The following TENM1 variants were observed in gnomAD, a reference collection of about 807,000 sequenced individuals.
TENM1 encodes teneurin-1.
A neutral mutation model predicts 174.8 loss-of-function variants in TENM1; 35 were observed. That is an observed-to-expected ratio of 0.20 (90% CI 0.15 to 0.27). The LOEUF (loss-of-function observed/expected upper bound fraction) is 0.27. Among genes scored for constraint, TENM1 ranks in the 10% least tolerant of loss-of-function variants. The pLI is 1.00. For missense variants in TENM1, 1,633 were observed against 2,130.1 expected (o/e 0.77, Z 4.59); for synonymous variants, 781 against 798.7 (o/e 0.98, Z 0.37).
intron 14 of TENM1, among the ~76,000 whole-genome samples, chrX:124,547,875 C>T (rs1053328822): frequency 4.5e-5 from 5 of 112,247 alleles, no homozygotes; most frequent in Admixed American, 2.8e-4. Flanking sequence ...CTCTCTCTGT[C>T]GCCCAGGCTG....
intron 1 of TENM1, among the ~76,000 whole-genome samples, chrX:124,933,216 T>C (rs2058198025): frequency 8.9e-6 from 1 of 111,800 alleles, no homozygotes. Flanking sequence ...CCAGTTTGTA[T>C]TTCACCTTTT....
intron 5 of TENM1, among the ~76,000 whole-genome samples, chrX:124,690,810 C>T (rs192552063): frequency 8.1e-5 from 9 of 110,624 alleles, no homozygotes; most frequent in East Asian, 5.7e-4. Flanking sequence ...TCTCCTTCCA[C>T]GATGAGTGGA....
At chrX:124,467,260 A>G (rs1028214542) in intron 22 of TENM1, among the ~76,000 whole-genome samples, 1 of 112,158 alleles carries the variant, frequency 8.9e-6, no homozygotes, top group Non-Finnish European at 1.9e-5. Flanking sequence ...CTTCCTGGCT[A>G]GGCTTTGATA....
At chrX:125,203,158 T>G in the TENM1 span, among the ~76,000 whole-genome samples, 1 of 112,910 alleles carries the variant, frequency 8.9e-6, no homozygotes, top group East Asian at 2.8e-4. Flanking sequence ...TAGGAGGTCC[T>G]GCAGTTCCCC....
At chrX:124,751,988 G>A (rs1603126964) in intron 3 of TENM1, among the ~76,000 whole-genome samples, 1 of 110,624 alleles carries the variant, frequency 9.0e-6, no homozygotes, top group Non-Finnish European at 1.9e-5. Flanking sequence ...ATGATTTATA[G>A]TCCTTTGGGT....
At chrX:124,946,590 G>A (rs942415844) in intron 1 of TENM1, among the ~76,000 whole-genome samples, 1 of 111,234 alleles carries the variant, frequency 9.0e-6, no homozygotes, top group African/African-American at 3.3e-5. Context: ...TGAAAACCAG[G>A]TAAAGAAGAA....
intron 3 of TENM1, among the ~76,000 whole-genome samples, chrX:124,807,713 G>GT (rs199588385): frequency 2.7e-5 from 3 of 111,061 alleles, no homozygotes; most frequent in Non-Finnish European, 3.8e-5. Flanking sequence ...AAAGTGTAGA[G>GT]TTTTTAAAAA....
chrX:124,970,643 C>T, the TENM1 span, among the ~76,000 whole-genome samples: 1 of 111,626 alleles, frequency 9.0e-6, no homozygotes, highest in Admixed American at 9.5e-5. Context: ...ACAACAGGTG[C>T]TGGAGAGGAT....
At chrX:124,773,981 C>A (rs1020913884) in intron 3 of TENM1, among the ~76,000 whole-genome samples, 1 of 111,485 alleles carries the variant, frequency 9.0e-6, no homozygotes. Context: ...GAGGCAAATG[C>A]AAATAAGATC....
At chrX:124,464,736 G>A (rs1461779578) in intron 22 of TENM1, among the ~76,000 whole-genome samples, 1 of 111,769 alleles carries the variant, frequency 8.9e-6, no homozygotes, top group Non-Finnish European at 1.9e-5. Context: ...ATATGACAGC[G>A]GAACAAAAAG....
exon 29 of TENM1, chrX:124,385,919 G>T (rs866569805): frequency 8.3e-7 from 1 of 1,210,603 alleles, no homozygotes; most frequent in African/African-American, 1.7e-5. Flanking sequence ...GTCCGGTGGG[G>T]TGTAGATGTT....
intron 22 of TENM1, among the ~76,000 whole-genome samples, chrX:124,479,279 C>G (rs765379101): frequency 8.9e-6 from 1 of 112,316 alleles, no homozygotes; most frequent in South Asian, 3.7e-4. Context: ...GTTGACAACA[C>G]CAGCTTCAGG....
chrX:124,494,659 C>G (rs2047148751), intron 20 of TENM1, among the ~76,000 whole-genome samples: 1 of 107,308 alleles, frequency 9.3e-6, no homozygotes, highest in South Asian at 4.2e-4. Flanking sequence ...CTATCCCTCC[C>G]CCCTTCCCCC....
intron 1 of TENM1, among the ~76,000 whole-genome samples, chrX:124,918,190 T>G (rs1323237406): frequency 9.1e-6 from 1 of 110,440 alleles, no homozygotes; most frequent in Non-Finnish European, 1.9e-5. Flanking sequence ...GAATTTTTTT[T>G]TTTTTTTGAG....
intron 20 of TENM1, among the ~76,000 whole-genome samples, chrX:124,490,620 A>T (rs1344598330): frequency 8.9e-6 from 1 of 112,345 alleles, no homozygotes. Flanking sequence ...ACATTTGTTG[A>T]ATCCAAATTA....
the TENM1 span, among the ~76,000 whole-genome samples, chrX:125,008,451 G>A: frequency 2.1e-4 from 23 of 111,557 alleles, no homozygotes; most frequent in Admixed American, 1.8e-3. Context: ...TTAACACTCC[G>A]TTGTCAATAT....
At chrX:124,438,922 G>A (rs749362455) in intron 23 of TENM1, among the ~76,000 whole-genome samples, 3 of 111,767 alleles carry the variant, frequency 2.7e-5, no homozygotes, top group African/African-American at 6.5e-5. Context: ...TGAACTCTGC[G>A]GATAGTCTCA....
intron 1 of TENM1, among the ~76,000 whole-genome samples, chrX:124,961,514 C>T (rs370826861): frequency 8.0e-4 from 89 of 110,720 alleles, no homozygotes; most frequent in African/African-American, 2.6e-3. Context: ...CATGGAGGCG[C>T]GTACCTGAAA....
intron 3 of TENM1, among the ~76,000 whole-genome samples, chrX:124,882,798 T>C (rs1324058282): frequency 8.9e-6 from 1 of 111,899 alleles, no homozygotes; most frequent in Non-Finnish European, 1.9e-5. Flanking sequence ...ATGTCATTGG[T>C]AGTTTGACAG....
Sources: allele counts gnomAD v4.1 joint callset (sites outside exome capture counted in the v4.1 genomes callset), GRCh38; gene constraint gnomAD v4.1.1; transcripts MANE v1.5; gene names NCBI Gene and HGNC (gene_info 2026-07-23, HGNC 2026-07-21).